The following TDRD7 variants were observed in gnomAD, a reference collection of about 807,000 sequenced individuals.
The protein encoded by TDRD7 is tudor domain containing 7.
In TDRD7, 47 loss-of-function variants were observed where a neutral mutation model predicts 109.8. The ratio of observed to expected loss-of-function variants is 0.43; its 90% CI spans 0.34 to 0.55. TDRD7 has a LOEUF of 0.55. Among genes scored for constraint, TDRD7 ranks in the 20% least tolerant of loss-of-function variants. The pLI, the probability that TDRD7 is intolerant of heterozygous loss-of-function variation, is 0.03. For missense variants in TDRD7, 1,164 were observed against 1,319.2 expected (o/e 0.88, Z 1.82); for synonymous variants, 424 against 457.3 (o/e 0.93, Z 0.93).
At chr9:97,432,948 T>G (rs1426689482) in intron 4 of TDRD7, among the ~76,000 whole-genome samples, 1 of 152,120 alleles carries the variant, frequency 6.6e-6, no homozygotes, top group African/African-American at 2.4e-5. Flanking sequence ...TCTGGGTGCT[T>G]TTGCAAAATA....
intron 16 of TDRD7, among the ~76,000 whole-genome samples, chr9:97,494,362 AC>A (rs1829359210): frequency 6.6e-6 from 1 of 152,192 alleles, no homozygotes; most frequent in Admixed American, 6.5e-5. Context: ...GCATCAGTGC[AC>A]CATGGCCATG....
At chr9:97,453,595 G>T (rs138685610) in intron 6 of TDRD7, among the ~76,000 whole-genome samples, 123 of 152,090 alleles carry the variant, frequency 8.1e-4, no homozygotes, top group African/African-American at 2.7e-3. Context: ...TTTTCCCCCA[G>T]CCAAGGGAGG....
chr9:97,479,749 C>G (rs1330200351), intron 13 of TDRD7, among the ~76,000 whole-genome samples: 2 of 152,136 alleles, frequency 1.3e-5, no homozygotes, highest in Non-Finnish European at 2.9e-5. Flanking sequence ...TTGGCTCTTA[C>G]AGTATTTTAA....
intron 12 of TDRD7, among the ~76,000 whole-genome samples, chr9:97,476,595 T>G (rs1322946556): frequency 2.6e-5 from 4 of 151,288 alleles, no homozygotes; most frequent in Admixed American, 2.6e-4. Flanking sequence ...AAAAAAAAAT[T>G]AAGAAAAAAA....
intron 10 of TDRD7, among the ~76,000 whole-genome samples, 167 bp from the exon 11 acceptor site, chr9:97,473,325 G>A (rs888439650): frequency 6.6e-6 from 1 of 152,164 alleles, no homozygotes; most frequent in Non-Finnish European, 1.5e-5. Flanking sequence ...ATCCAAATTA[G>A]TTTTGTACAT....
At chr9:97,485,720 C>G (rs545115327) in intron 15 of TDRD7, among the ~76,000 whole-genome samples, 3 of 152,078 alleles carry the variant, frequency 2.0e-5, no homozygotes, top group African/African-American at 7.2e-5. Context: ...AAGTAATGTC[C>G]CAGGCACTTT....
At chr9:97,436,665 C>T (rs554722022) in intron 4 of TDRD7, among the ~76,000 whole-genome samples, 1 of 152,172 alleles carries the variant, frequency 6.6e-6, no homozygotes, top group Admixed American at 6.5e-5. Flanking sequence ...AATATGTCTT[C>T]TGTTTTCTTT....
chr9:97,426,994 T>C (rs1449487376), intron 1 of TDRD7, among the ~76,000 whole-genome samples: 2 of 152,208 alleles, frequency 1.3e-5, no homozygotes, highest in African/African-American at 4.8e-5. Flanking sequence ...AAAATTTTAG[T>C]TCCTCAGTCA....
intron 1 of TDRD7, among the ~76,000 whole-genome samples, chr9:97,425,973 G>A (rs1827987402): frequency 6.6e-6 from 1 of 152,150 alleles, no homozygotes; most frequent in Non-Finnish European, 1.5e-5. Context: ...TTAACATTCA[G>A]ATAAAGAGGG....
At chr9:97,440,868 C>T (rs531065521) in intron 5 of TDRD7, among the ~76,000 whole-genome samples, 48 of 152,196 alleles carry the variant, frequency 3.2e-4, no homozygotes, top group South Asian at 8.3e-4. Flanking sequence ...CTTAAAATTC[C>T]AGGACTGTCA....
intron 16 of TDRD7, among the ~76,000 whole-genome samples, chr9:97,490,553 G>C (rs143281061): frequency 1.4e-5 from 2 of 144,946 alleles, no homozygotes; most frequent in African/African-American, 2.5e-5. Context: ...TTTTGGTGGG[G>C]GGGGGGGCAT....
chr9:97,491,255 T>C (rs898115595), intron 16 of TDRD7, among the ~76,000 whole-genome samples: 1 of 152,224 alleles, frequency 6.6e-6, no homozygotes, highest in African/African-American at 2.4e-5. Context: ...TATTGTTTCT[T>C]AGAATTTCTG....
intron 1 of TDRD7, among the ~76,000 whole-genome samples, chr9:97,426,134 G>C (rs1464718017): frequency 6.6e-6 from 1 of 152,218 alleles, no homozygotes; most frequent in Non-Finnish European, 1.5e-5. Context: ...TACTCTGGAT[G>C]AGTCAGTGAG....
At chr9:97,466,451 TAACCATATG>T (rs1564208438) in intron 8 of TDRD7, among the ~76,000 whole-genome samples, 1 of 151,998 alleles carries the variant, frequency 6.6e-6, no homozygotes, top group African/African-American at 2.4e-5. Flanking sequence ...TACGAACACT[TAACCATATG>T]ACCCCTAAGG....
At chr9:97,429,135 C>T (rs553317232) in intron 2 of TDRD7, among the ~76,000 whole-genome samples, 12 of 152,254 alleles carry the variant, frequency 7.9e-5, no homozygotes, top group African/African-American at 1.7e-4. Flanking sequence ...TCATAACTAC[C>T]GGGGCCTCCT....
At chr9:97,478,649 T>G (rs777427144) in intron 13 of TDRD7, 76 bp downstream of exon 13, 1 of 1,587,602 alleles carries the variant, frequency 6.3e-7, no homozygotes, top group Non-Finnish European at 8.6e-7. Context: ...AGATGCCTTC[T>G]CAGTTTTGAT....
Position 97,495,953 on chromosome 9 carries a change from A to G in TDRD7, c.*70A>G. ...ATAACAAAATGTAGTAGGCTTAAAAAAAATCTTAACTCTGCTACATGGCTC... is the reference window on the plus strand; with the variant it reads ...ATAACAAAATGTAGTAGGCTTAAAAGAAATCTTAACTCTGCTACATGGCTC... On this transcript the variant is annotated 3_prime_UTR_variant, in exon 17 of 17. Coordinates refer to ENST00000355295, the MANE Select transcript of TDRD7 (RefSeq NM_014290.3). 1 of 1,295,760 alleles carries G rather than the reference A, an allele frequency of 7.7e-7. No homozygotes were observed. Among genetic ancestry groups the G allele is most frequent in the Non-Finnish European group, 1.1e-6 (1 of 894,408 alleles). The allele number at this position is 1,295,760 out of a possible 1,614,324, so 80.3% of individuals were successfully genotyped here.
chr9:97,491,837 C>G (rs912197676), intron 16 of TDRD7, among the ~76,000 whole-genome samples: 5 of 152,200 alleles, frequency 3.3e-5, no homozygotes, highest in African/African-American at 7.2e-5. Context: ...TTCTCCTCCC[C>G]CAACTGGAAG....
chr9:97,434,991 G>C (rs977070217), intron 4 of TDRD7, among the ~76,000 whole-genome samples: 2 of 152,124 alleles, frequency 1.3e-5, no homozygotes, highest in Non-Finnish European at 2.9e-5. Context: ...TAACAGATTA[G>C]TGGTTGCCAG....
Sources: gnomAD v4.1 joint callset for allele counts (sites outside exome capture counted in the v4.1 genomes callset) on GRCh38, gnomAD v4.1.1 for gene constraint, MANE v1.5 for transcripts, NCBI Gene and HGNC (gene_info 2026-07-23, HGNC 2026-07-21) for gene names.